The following RGMA variants were observed in gnomAD, a reference collection of about 807,000 sequenced individuals.
RGMA encodes the protein repulsive guidance molecule BMP co-receptor a.
A neutral mutation model predicts 23.2 loss-of-function variants in RGMA; 10 were observed. That is an observed-to-expected ratio of 0.43 (90% CI 0.27 to 0.73). The LOEUF is 0.73. Ranked by LOEUF, RGMA falls within the 30% of genes least tolerant of loss-of-function variation. The probability of loss-of-function intolerance (pLI) is 0.20; values close to 1 mark genes in which losing one functional copy is unlikely to be tolerated. For synonymous variants in RGMA, 308 were observed against 279.3 expected (o/e 1.10, Z -1.03); for missense variants, 547 against 630.5 (o/e 0.87, Z 1.42).
At chr15:93,073,396 C>T (rs1895405748) in intron 1 of RGMA, among the ~76,000 whole-genome samples, 1 of 152,236 alleles carries the variant, frequency 6.6e-6, no homozygotes, top group Admixed American at 6.5e-5. Context: ...GCGCGCCACG[C>T]TCCCCGACCC....
At chr15:93,056,014 G>C (rs1288130828) in intron 2 of RGMA, among the ~76,000 whole-genome samples, 1 of 152,242 alleles carries the variant, frequency 6.6e-6, no homozygotes, top group Non-Finnish European at 1.5e-5. Context: ...GGGCCACAGA[G>C]TGGGATCTGG....
At chr15:93,074,098 C>T (rs1895428717) in intron 1 of RGMA, 10 of 1,034,214 alleles carry the variant, frequency 9.7e-6, no homozygotes, top group African/African-American at 6.6e-5. Context: ...GGACTGGTAA[C>T]TTCCCCTGAG....
chr15:93,051,213 C>G (rs150219434), intron 3 of RGMA, among the ~76,000 whole-genome samples: 11 of 152,342 alleles, frequency 7.2e-5, no homozygotes, highest in African/African-American at 2.6e-4. Flanking sequence ...CCTCGCTGTC[C>G]TCCTCTGGGT....
chr15:93,045,169 G>C lies in RGMA; in HGVS notation c.1182C>G (p.Ala394=), dbSNP rs1197184621. The C allele has an allele frequency of 6.2e-7, 1 of 1,607,832 alleles. No individual in the cohort carries two copies. Among genetic ancestry groups the C allele is most frequent in the Non-Finnish European group, 8.5e-7 (1 of 1,177,188 alleles). Residue 394 remains alanine (A), a synonymous_variant, in exon 4 of 4, where the codon GCC becomes GCG. Coordinates refer to ENST00000329082, the MANE Select transcript of RGMA (RefSeq NM_020211.3). The surrounding 1 kb of genome is among the most constrained non-coding windows in gnomAD (Gnocchi z 6.9). ...TTGDVNFTLA[A]YYALEDVKML... is the part of the protein sequence containing the mutation. ...TCTTGACATCCTCCAACGCGTAGTA[G>C]GCGGCCAGTGTGAAGTTCACGTCGC...
chr15:93,046,749 G>A (rs939317484), intron 3 of RGMA, among the ~76,000 whole-genome samples: 1 of 152,184 alleles, frequency 6.6e-6, no homozygotes, highest in African/African-American at 2.4e-5. Flanking sequence ...AACAGGAAAG[G>A]AGCAAGGTGC....
chr15:93,047,121 C>A (rs1164061219), intron 3 of RGMA, among the ~76,000 whole-genome samples: 1 of 152,134 alleles, frequency 6.6e-6, no homozygotes, highest in African/African-American at 2.4e-5. Context: ...CGTTTCCAGA[C>A]TCTGGGCTCT....
intron 3 of RGMA, among the ~76,000 whole-genome samples, chr15:93,051,381 T>G (rs1596083168): frequency 6.6e-6 from 1 of 151,958 alleles, no homozygotes; most frequent in African/African-American, 2.4e-5. Flanking sequence ...CTGGGGAGGG[T>G]GGACGTGTCC....
At chr15:93,083,369 C>T (rs549990075) in intron 1 of RGMA, among the ~76,000 whole-genome samples, 1 of 152,208 alleles carries the variant, frequency 6.6e-6, no homozygotes, top group Admixed American at 6.5e-5. Flanking sequence ...ACTCTATCAT[C>T]CAGGCTGGAG....
chr15:93,058,489 T>G (rs569267924), intron 2 of RGMA, among the ~76,000 whole-genome samples: 1 of 152,374 alleles, frequency 6.6e-6, no homozygotes, highest in South Asian at 2.1e-4. Context: ...TAACTTTGTT[T>G]TGTTTAATCA....
intron 2 of RGMA, among the ~76,000 whole-genome samples, chr15:93,069,551 T>TG (rs113200177): frequency 0.59 from 89,695 of 151,634 alleles, 26,999 homozygotes; most frequent in East Asian, 0.95. Flanking sequence ...CAGCTGCAGT[T>TG]CAAAGTATAA....
rs934327802 is a variant in RGMA, at chr15:93,088,610, T to A, written c.14+309A>T. The stretch of plus-strand genomic sequence containing the variant: ...CCGTCCGGGGCTCCGCGAGCCGGGC[T>A]GAGGGAAGGAGCTCCCAGCCCGCAC... On this transcript the variant is annotated intron_variant, in intron 1 of 3. Coordinates refer to ENST00000329082, the MANE Select transcript of RGMA (RefSeq NM_020211.3). The A allele has an allele frequency of 1.4e-5, 15 of 1,053,536 alleles. No individual in the cohort carries two copies. In the African/African-American group the frequency reaches 2.5e-4, roughly 18 times the overall value. 65.3% of individuals were successfully genotyped at this position (1,053,536 alleles called of 1,614,324 possible). A position where few individuals can be genotyped will look rare whatever the true frequency, so the allele number is the denominator to read the frequency against.
intron 1 of RGMA, chr15:93,073,882 C>G: frequency 6.8e-7 from 1 of 1,468,110 alleles, no homozygotes; most frequent in Non-Finnish European, 9.0e-7. Flanking sequence ...GGCACAGCTG[C>G]CACTCCAGAG....
rs62021473 is a variant in RGMA at position 93,039,316 on chromosome 15, C to G, written c.*5682G>C. ...AGACCCCTGGGGAAGACATCGTGGT[C>G]TCCTGTCAAGCTCGCTCTCTCCCCA... On this transcript the variant is annotated 3_prime_UTR_variant, in exon 4 of 4. Coordinates refer to ENST00000329082, the MANE Select transcript of RGMA (RefSeq NM_020211.3). 40,832 of 151,898 alleles carry G rather than the reference C, an allele frequency of 0.27. 6,993 individuals carry two copies. Among genetic ancestry groups the G allele is most frequent in the Non-Finnish European group, 0.39 (26,814 of 67,894 alleles). 9.4% of individuals were successfully genotyped at this position (151,898 alleles called of 1,614,324 possible). A position where few individuals can be genotyped will look rare whatever the true frequency, so the allele number is the denominator to read the frequency against.
At position 93,044,930 on chromosome 15, in the gene RGMA, G is replaced by A. The variant is rs2054790206; in HGVS notation, c.*68C>T. 7.5e-7 allele frequency: 1 copy of A among 1,336,982 alleles called. No individual in the cohort carries two copies. The highest frequency in any genetic ancestry group is 1.0e-6 in the Non-Finnish European group (1 of 977,868). 82.8% of individuals were successfully genotyped at this position (1,336,982 alleles called of 1,614,324 possible). ...CACGCCAGGAGATCTGCACCCCGTG[G>A]GCGGTCCCAGCCCACACATGGGGAA... On this transcript the variant is annotated 3_prime_UTR_variant, in exon 4 of 4. Transcript: ENST00000329082.
At chr15:93,085,755 TAA>T (rs982765959) in intron 1 of RGMA, among the ~76,000 whole-genome samples, 2 of 152,232 alleles carry the variant, frequency 1.3e-5, no homozygotes, top group African/African-American at 4.8e-5. Context: ...CTAAGAATTG[TAA>T]AGTTTCACAC....
chr15:93,077,150 AG>A (rs1389023886), intron 1 of RGMA, among the ~76,000 whole-genome samples: 1 of 152,224 alleles, frequency 6.6e-6, no homozygotes, highest in African/African-American at 2.4e-5. Context: ...CGGCTGTAGA[AG>A]GAAGAGGTGA....
rs2054686927 is a variant in RGMA, at chr15:93,038,585, T to TTTTTTTTTTTTTTTTTTTTTTTTTTTG, written c.*6412_*6413insCAAAAAAAAAAAAAAAAAAAAAAAAAA. 6.8e-6 allele frequency: 1 copy of TTTTTTTTTTTTTTTTTTTTTTTTTTTG among 146,032 alleles called. No individual in the cohort carries two copies. The highest frequency in any genetic ancestry group is 1.5e-5 in the Non-Finnish European group (1 of 66,702). The allele number at this position is 146,032 out of a possible 1,614,324, so 9.0% of individuals were successfully genotyped here. On this transcript the variant is annotated 3_prime_UTR_variant, in exon 4 of 4. Transcript: ENST00000329082. The stretch of plus-strand genomic sequence containing the variant: ...CTGTTAGTTGTTTTTTTTTTTTTTT[T>TTTTTTTTTTTTTTTTTTTTTTTTTTTG]GAGACGGTGTCTTGCTCTGTCGCCC...
intron 3 of RGMA, among the ~76,000 whole-genome samples, chr15:93,050,045 G>A (rs1191133747): frequency 1.3e-5 from 2 of 152,196 alleles, no homozygotes; most frequent in Non-Finnish European, 2.9e-5. Context: ...GGAAACTTGC[G>A]CTGTGCTTCA....
chr15:93,066,069 G>C (rs566031295), intron 2 of RGMA: 158 of 1,516,280 alleles, frequency 1.0e-4, no homozygotes, highest in Non-Finnish European at 8.9e-5. Flanking sequence ...GGGCAACTGA[G>C]GGAGGCCGGG....
Sources: allele counts gnomAD v4.1 joint callset (sites outside exome capture counted in the v4.1 genomes callset), GRCh38; gene constraint gnomAD v4.1.1; non-coding constraint Gnocchi (gnomAD v3.1); transcripts MANE v1.5; gene names NCBI Gene and HGNC (gene_info 2026-07-23, HGNC 2026-07-21).